JAK2: variants seen among roughly 807,000 people sequenced by gnomAD.
JAK2 encodes Janus kinase 2.
A neutral mutation model predicts 139.3 loss-of-function variants in JAK2; 86 were observed. The observed-to-expected ratio is 0.62, with a 90% confidence interval of 0.52 to 0.74. The LOEUF (loss-of-function observed/expected upper bound fraction) is 0.74, where lower values mean the gene tolerates loss of function less well. Ranked by LOEUF, JAK2 falls within the 30% of genes least tolerant of loss-of-function variation. The pLI is 0.00. For missense variants in JAK2, 1,421 were observed against 1,360.3 expected (o/e 1.04, Z -0.70); for synonymous variants, 490 against 437.7 (o/e 1.12, Z -1.49).
chr9:5,103,981 G>A (rs895435550), intron 22 of JAK2, among the ~76,000 whole-genome samples: 3 of 152,026 alleles, frequency 2.0e-5, no homozygotes, highest in Admixed American at 6.5e-5. Flanking sequence ...AGCTAAAATC[G>A]ACACCTTAAC....
chr9:5,056,345 T>C (rs959250511), intron 8 of JAK2, among the ~76,000 whole-genome samples: 5 of 152,128 alleles, frequency 3.3e-5, no homozygotes, highest in Non-Finnish European at 7.4e-5. Context: ...TTTTATACTT[T>C]GCTCTTAAGT....
intron 22 of JAK2, chr9:5,097,618 G>A (rs1418315063): frequency 6.7e-6 from 1 of 149,054 alleles, no homozygotes; most frequent in Non-Finnish European, 1.5e-5. Flanking sequence ...TGGCATCAAG[G>A]TCTTTAGCTG....
chr9:5,021,659 C>T (rs984282625), intron 2 of JAK2, among the ~76,000 whole-genome samples: 6 of 152,146 alleles, frequency 3.9e-5, no homozygotes, highest in Non-Finnish European at 7.3e-5. Flanking sequence ...CAGGGTCTTG[C>T]TGTGTCACCC....
rs888614535 is a variant in JAK2 at position 5,060,504 on chromosome 9, A to T, written c.1057-4379A>T. On this transcript the variant is annotated intron_variant, in intron 8 of 24. Coordinates refer to ENST00000381652, the MANE Select transcript of JAK2 (RefSeq NM_004972.4). ...AACATTCACAGCATCTTCACCCAGG[A>T]CTAGATTCCATCTCAAGAAACCATT... is the stretch of plus-strand genomic sequence containing the variant. Among the ~76,000 whole-genome samples the T allele has an allele frequency of 2.6e-5, 4 of 152,324 alleles. No individual in the cohort carries two copies. The East Asian group carries it at 7.7e-4, about 29-fold the overall frequency.
intron 2 of JAK2, among the ~76,000 whole-genome samples, chr9:5,013,672 T>G (rs1039592909): frequency 4.6e-5 from 7 of 152,250 alleles, no homozygotes; most frequent in African/African-American, 1.7e-4. Context: ...TATTTTCCTT[T>G]TAAGGTCCAG....
chr9:5,111,116 T>A (rs1038112592), intron 22 of JAK2: 4 of 1,210,268 alleles, frequency 3.3e-6, no homozygotes, highest in Non-Finnish European at 4.6e-6. Context: ...AGCTCCTCCT[T>A]TGACCCCAGC....
chr9:5,050,339 A>G (rs1183097145), intron 5 of JAK2, among the ~76,000 whole-genome samples: 1 of 152,176 alleles, frequency 6.6e-6, no homozygotes, highest in Non-Finnish European at 1.5e-5. Flanking sequence ...TCTGTTACCC[A>G]GACTAGGGTG....
At chr9:4,986,198 TTTG>T (rs1044696896) in intron 2 of JAK2, among the ~76,000 whole-genome samples, 176 bp downstream of exon 2, 12 of 152,208 alleles carry the variant, frequency 7.9e-5, no homozygotes, top group Admixed American at 2.6e-4. Flanking sequence ...TTTGGGGTGT[TTTG>T]TTGTTCGTCT....
At chr9:5,102,545 C>T (rs1821589753) in intron 22 of JAK2, among the ~76,000 whole-genome samples, 1 of 152,100 alleles carries the variant, frequency 6.6e-6, no homozygotes, top group African/African-American at 2.4e-5. Flanking sequence ...CAGAGAACTC[C>T]ACAAAGATAC....
intron 2 of JAK2, among the ~76,000 whole-genome samples, chr9:5,012,504 G>A (rs1247165599): frequency 6.6e-6 from 1 of 152,084 alleles, no homozygotes; most frequent in Non-Finnish European, 1.5e-5. Flanking sequence ...CTTGGTGTTT[G>A]GGGCAGAAGG....
intron 12 of JAK2, among the ~76,000 whole-genome samples, chr9:5,070,976 T>C (rs573156339): frequency 6.6e-6 from 1 of 152,196 alleles, no homozygotes; most frequent in African/African-American, 2.4e-5. Context: ...TAAAACAATA[T>C]ATAGAATGTG....
chr9:5,118,581 C>A (rs1010725305), intron 22 of JAK2, among the ~76,000 whole-genome samples: 6 of 152,098 alleles, frequency 3.9e-5, no homozygotes, highest in African/African-American at 1.4e-4. Flanking sequence ...GTTTGTATAT[C>A]CTCGGATGAA....
At chr9:5,094,396 A>C (rs2130705295) in intron 22 of JAK2, 2 of 152,254 alleles carry the variant, frequency 1.3e-5, no homozygotes. Context: ...TATTCTAGCC[A>C]CATCAAGCCT....
At chr9:5,056,327 A>G (rs1426455365) in intron 8 of JAK2, among the ~76,000 whole-genome samples, 1 of 152,092 alleles carries the variant, frequency 6.6e-6, no homozygotes, top group African/African-American at 2.4e-5. Flanking sequence ...AATAGGAGAA[A>G]TGAATTATTT....
chr9:4,989,717 TAGGA>T (rs767358642), intron 2 of JAK2, among the ~76,000 whole-genome samples: 2 of 152,152 alleles, frequency 1.3e-5, no homozygotes, highest in Non-Finnish European at 2.9e-5. Flanking sequence ...TTTTGCATAA[TAGGA>T]AGGAACTGGT....
chr9:5,046,994 G>T (rs1417823320), intron 5 of JAK2, among the ~76,000 whole-genome samples: 1 of 151,972 alleles, frequency 6.6e-6, no homozygotes, highest in Non-Finnish European at 1.5e-5. Context: ...AAAATTTTGG[G>T]TGATTTCAGA....
intron 22 of JAK2, among the ~76,000 whole-genome samples, chr9:5,105,469 C>A (rs556963681): frequency 6.6e-6 from 1 of 152,244 alleles, no homozygotes; most frequent in South Asian, 2.1e-4. Flanking sequence ...GAATCAATAT[C>A]GTGAAAATGG....
intron 4 of JAK2, among the ~76,000 whole-genome samples, chr9:5,034,647 A>G (rs1321267141): frequency 3.3e-5 from 5 of 152,128 alleles, no homozygotes; most frequent in Non-Finnish European, 7.3e-5. Flanking sequence ...TACTGGGTAC[A>G]TAACGAAATG....
At chr9:5,113,064 G>A (rs1822776944) in intron 22 of JAK2, among the ~76,000 whole-genome samples, 1 of 152,052 alleles carries the variant, frequency 6.6e-6, no homozygotes, top group Non-Finnish European at 1.5e-5. Flanking sequence ...GAGCTCCCTG[G>A]GACCCCGGCT....
Sources: gnomAD v4.1 joint callset for allele counts (sites outside exome capture counted in the v4.1 genomes callset) on GRCh38, gnomAD v4.1.1 for gene constraint, MANE v1.5 for transcripts, NCBI Gene and HGNC (gene_info 2026-07-23, HGNC 2026-07-21) for gene names.